Variants in USP3 observed in about 807,000 individuals in gnomAD.
The protein encoded by USP3 is ubiquitin carboxyl-terminal hydrolase 3.
USP3 carries 20 observed loss-of-function variants against 72.3 expected under a neutral mutation model. The observed-to-expected ratio is 0.28, with a 90% CI of 0.19 to 0.40. The LOEUF is 0.40. Ranked by LOEUF, USP3 falls within the 10% of genes least tolerant of loss-of-function variation. The probability of loss-of-function intolerance (pLI) is 1.00; values close to 1 mark genes in which losing one functional copy is unlikely to be tolerated. For missense variants in USP3, 479 were observed against 633.9 expected (o/e 0.76, Z 2.62); for synonymous variants, 222 against 225.3 (o/e 0.99, Z 0.13).
In USP3 at chr15:63,590,764, G is replaced by A. The variant is rs149956895; in HGVS notation, c.1501G>A (p.Ala501Thr). The A allele has an allele frequency of 1.2e-5, 20 of 1,613,950 alleles. No homozygotes were observed. The African/African-American group carries it at 2.7e-4, about 22-fold the overall frequency. Reference protein sequence around the residue: ...TLTDEETVVKAKAYILFYVEH... With the variant: ...TLTDEETVVKTKAYILFYVEH... The stretch of plus-strand genomic sequence containing the variant: ...GACTGACGAGGAGACTGTGGTGAAG[G>A]CGAAGGCCTACATCCTTTTCTACGT... Residue 501 changes from alanine to threonine, a missense_variant, in exon 15 of 15, where the codon GCG becomes ACG. Ala to Thr is a moderately conservative substitution (Grantham distance 58). Transcript: ENST00000380324.
chr15:63,505,258 A>G (rs1242748843), intron 1 of USP3, among the ~76,000 whole-genome samples: 1 of 152,032 alleles, frequency 6.6e-6, no homozygotes, highest in Non-Finnish European at 1.5e-5. Flanking sequence ...GCTTCTCCGC[A>G]GACAGGGCGG....
chr15:63,575,565 A>G (rs993023145), intron 11 of USP3, among the ~76,000 whole-genome samples: 1 of 152,178 alleles, frequency 6.6e-6, no homozygotes, highest in Non-Finnish European at 1.5e-5. Context: ...AACTCTGTAT[A>G]TGAAACATTT....
chr15:63,550,108 C>T (rs1595738769), intron 3 of USP3, among the ~76,000 whole-genome samples: 1 of 152,252 alleles, frequency 6.6e-6, no homozygotes, highest in East Asian at 1.9e-4. Context: ...CAACCTCCGC[C>T]TCCTTGGTTC....
At chr15:63,560,484 A>G (rs1365425444) in intron 7 of USP3, among the ~76,000 whole-genome samples, 1 of 151,846 alleles carries the variant, frequency 6.6e-6, no homozygotes, top group East Asian at 1.9e-4. Flanking sequence ...TTAGCATTCT[A>G]CTTATTGACT....
intron 11 of USP3, among the ~76,000 whole-genome samples, chr15:63,576,359 C>G (rs2066863636): frequency 6.6e-6 from 1 of 152,174 alleles, no homozygotes; most frequent in Non-Finnish European, 1.5e-5. Flanking sequence ...CTCAGAGACA[C>G]TAGTTTGTTT....
intron 8 of USP3, among the ~76,000 whole-genome samples, chr15:63,567,625 C>T (rs1234535844): frequency 1.3e-5 from 2 of 151,968 alleles, no homozygotes; most frequent in South Asian, 2.1e-4. Flanking sequence ...GGATTACAGG[C>T]GTGAGCCACC....
At chr15:63,586,305 T>C (rs1331475501) in intron 11 of USP3, among the ~76,000 whole-genome samples, 1 of 152,210 alleles carries the variant, frequency 6.6e-6, no homozygotes, top group Non-Finnish European at 1.5e-5. Context: ...ATATTCACTG[T>C]GGGTTTTCAT....
chr15:63,534,370 T>C (rs1358103040), intron 2 of USP3, among the ~76,000 whole-genome samples: 1 of 152,156 alleles, frequency 6.6e-6, no homozygotes, highest in Non-Finnish European at 1.5e-5. Context: ...GGAAACATAG[T>C]TTATCAATAG....
intron 1 of USP3, among the ~76,000 whole-genome samples, chr15:63,514,433 T>C (rs2065825567): frequency 6.6e-6 from 1 of 152,214 alleles, no homozygotes. Context: ...ATTGATTATC[T>C]ATCCCTCGGG....
chr15:63,587,160 T>G (rs2067084946), intron 11 of USP3, among the ~76,000 whole-genome samples: 1 of 152,044 alleles, frequency 6.6e-6, no homozygotes, highest in South Asian at 2.1e-4. Context: ...GACATAAAAG[T>G]CAGGATAATG....
At chr15:63,536,427 C>A (rs2066156639) in intron 2 of USP3, among the ~76,000 whole-genome samples, 1 of 148,270 alleles carries the variant, frequency 6.7e-6, no homozygotes, top group South Asian at 2.1e-4. Flanking sequence ...TTGATAATAG[C>A]CCAAGTTGGG....
At chr15:63,512,372 TTTC>T (rs1567089170) in intron 1 of USP3, among the ~76,000 whole-genome samples, 2 of 151,214 alleles carry the variant, frequency 1.3e-5, no homozygotes, top group African/African-American at 4.9e-5. Flanking sequence ...TTCTTTCTTC[TTTC>T]TTCTTTCTTT....
rs970069075 is a variant in USP3, at chr15:63,544,736, A to G, written c.284+7580A>G. On this transcript the variant is annotated intron_variant, in intron 3 of 14. Transcript: ENST00000380324. This position sits in a 1 kb window ranked among gnomAD's most constrained non-coding sequence, Gnocchi z 4.2. ...AATGGAAAATACCGAGGGGTAAGAGAGTTCATGGTATATGGGATGAAAGCT... is the reference window on the plus strand; with the variant it reads ...AATGGAAAATACCGAGGGGTAAGAGGGTTCATGGTATATGGGATGAAAGCT... 4.3e-6 allele frequency: 3 copies of G among 701,988 alleles called. No homozygotes were observed. In the African/African-American group the frequency reaches 5.2e-5, roughly 12 times the overall value. 43.5% of individuals were successfully genotyped at this position (701,988 alleles called of 1,614,324 possible). A position where few individuals can be genotyped will look rare whatever the true frequency, so the allele number is the denominator to read the frequency against.
Position 63,588,727 on chromosome 15 carries a change from T to C in USP3, c.1241T>C (p.Phe414Ser). ...PKVLCLHLKRFHWTAYLRNKV... is the reference protein window; with the variant it reads ...PKVLCLHLKRSHWTAYLRNKV... ...GTGCTATGCTTACATTTGAAAAGATTTCATTGGACAGCATATTTAAGAAAT... is the reference window on the plus strand; with the variant it reads ...GTGCTATGCTTACATTTGAAAAGATCTCATTGGACAGCATATTTAAGAAAT... The change falls in exon 13 of 15, where the codon TTT becomes TCT. Residue 414 changes from phenylalanine to serine, a missense_variant. Transcript: ENST00000380324. The surrounding 1 kb of genome is among the most constrained non-coding windows in gnomAD (Gnocchi z 4.6). 1 of 1,614,012 alleles carries C rather than the reference T, an allele frequency of 6.2e-7. No individual in the cohort carries two copies. Among genetic ancestry groups the C allele is most frequent in the Non-Finnish European group, 8.5e-7 (1 of 1,179,898 alleles).
rs147982604 is a variant in USP3 at position 63,558,171 on chromosome 15, C to T, written c.516C>T (p.Ala172=). 6.2e-7 allele frequency: 1 copy of T among 1,614,022 alleles called. No homozygotes were observed. Among genetic ancestry groups the T allele is most frequent in the Non-Finnish European group, 8.5e-7 (1 of 1,180,002 alleles). The change falls in exon 6 of 15, where the codon GCC becomes GCT. Residue 172 remains alanine, a synonymous_variant. Coordinates refer to ENST00000380324, the MANE Select transcript of USP3 (RefSeq NM_006537.4). ...TGGGGAACACATGTTTCATGAATGC[C>T]ATCCTTCAGTCACTCAGGTAACGCT... ...RNLGNTCFMN[A]ILQSLSNIEQ...
chr15:63,533,835 T>C, intron 2 of USP3: 1 of 1,234,990 alleles, frequency 8.1e-7, no homozygotes, highest in Non-Finnish European at 1.0e-6. Flanking sequence ...TTTGTACAGA[T>C]AACTTTTTTT....
At chr15:63,543,428 A>T (rs912001218) in intron 3 of USP3, among the ~76,000 whole-genome samples, 1 of 152,078 alleles carries the variant, frequency 6.6e-6, no homozygotes, top group Non-Finnish European at 1.5e-5. Context: ...CGTTTAGAAC[A>T]CTGTACCTTT....
At chr15:63,582,654 T>C (rs1444247261) in intron 11 of USP3, among the ~76,000 whole-genome samples, 1 of 152,162 alleles carries the variant, frequency 6.6e-6, no homozygotes, top group Non-Finnish European at 1.5e-5. Context: ...CACTACATGG[T>C]CACCTTGTAA....
At chr15:63,535,607 A>G (rs1231982453) in intron 2 of USP3, among the ~76,000 whole-genome samples, 1 of 152,208 alleles carries the variant, frequency 6.6e-6, no homozygotes, top group Non-Finnish European at 1.5e-5. Context: ...AATTCATTTT[A>G]GTACAGTTTT....
Sources: gnomAD v4.1 joint callset for allele counts (sites outside exome capture counted in the v4.1 genomes callset) on GRCh38, gnomAD v4.1.1 for gene constraint, Gnocchi (gnomAD v3.1) non-coding constraint, MANE v1.5 for transcripts, NCBI Gene and HGNC (gene_info 2026-07-23, HGNC 2026-07-21) for gene names.